EXD2: variants seen among roughly 807,000 people sequenced by gnomAD.
The protein encoded by EXD2 is exonuclease 3'-5' domain-containing protein 2.
EXD2 carries 40 observed loss-of-function variants against 62.5 expected under a neutral mutation model. The ratio of observed to expected loss-of-function variants is 0.64; its 90% CI spans 0.50 to 0.83. EXD2 has a LOEUF of 0.83. EXD2 is among the 40% of genes least tolerant of loss of function. The probability of loss-of-function intolerance (pLI) is 0.00; values close to 1 mark genes in which losing one functional copy is unlikely to be tolerated. For synonymous variants in EXD2, 239 were observed against 291.9 expected (o/e 0.82, Z 1.85); for missense variants, 671 against 761.8 (o/e 0.88, Z 1.40).
chr14:69,213,380 T>C (rs1340586280), intron 3 of EXD2, among the ~76,000 whole-genome samples: 8 of 122,330 alleles, frequency 6.5e-5, no homozygotes, highest in African/African-American at 3.1e-4. Context: ...GCCCTTTTTT[T>C]TTTTTTTTTT....
chr14:69,220,606 C>T (rs1263505038), intron 3 of EXD2, among the ~76,000 whole-genome samples: 1 of 146,708 alleles, frequency 6.8e-6, no homozygotes, highest in African/African-American at 2.5e-5. Flanking sequence ...TGCAGTGGCT[C>T]ACTCCGGTAA....
At chr14:69,230,235 T>C (rs2043521638) in intron 4 of EXD2, among the ~76,000 whole-genome samples, 1 of 152,198 alleles carries the variant, frequency 6.6e-6, no homozygotes, top group Admixed American at 6.5e-5. Flanking sequence ...TCCTCATCTG[T>C]AAAGTAGAGT....
chr14:69,231,016 C>T (rs1316676322), intron 5 of EXD2, among the ~76,000 whole-genome samples: 2 of 152,168 alleles, frequency 1.3e-5, no homozygotes, highest in African/African-American at 4.8e-5. Flanking sequence ...AACTTCTGAC[C>T]TCAAGTGATC....
intron 2 of EXD2, among the ~76,000 whole-genome samples, chr14:69,204,457 G>A (rs1396045729): frequency 6.6e-6 from 1 of 152,120 alleles, no homozygotes; most frequent in Admixed American, 6.5e-5. Context: ...TGTACCCCCA[G>A]CTACTCAGGA....
intron 2 of EXD2, 79 bp from the exon 3 acceptor site, chr14:69,209,345 G>A: frequency 1.4e-6 from 1 of 697,318 alleles, no homozygotes; most frequent in Non-Finnish European, 2.2e-6. Flanking sequence ...TTATAAATGG[G>A]GCATTTTTTA....
At chr14:69,193,750 GTGGC>G (rs1226372843) in intron 1 of EXD2, among the ~76,000 whole-genome samples, 1 of 151,964 alleles carries the variant, frequency 6.6e-6, no homozygotes, top group Non-Finnish European at 1.5e-5. Context: ...TTTGTATTTT[GTGGC>G]TATCATTCCC....
intron 1 of EXD2, among the ~76,000 whole-genome samples, chr14:69,198,532 T>A (rs2140189342): frequency 6.6e-6 from 1 of 152,316 alleles, no homozygotes; most frequent in Middle Eastern, 3.4e-3. Context: ...TGATGGCCCC[T>A]CATGACTTGT....
chr14:69,232,931 C>T (rs1398202763), intron 5 of EXD2, among the ~76,000 whole-genome samples: 1 of 152,134 alleles, frequency 6.6e-6, no homozygotes, highest in Non-Finnish European at 1.5e-5. Flanking sequence ...CTTTTGGTGT[C>T]ATAGTCAAGA....
At chr14:69,210,432 C>T (rs537812525) in intron 3 of EXD2, among the ~76,000 whole-genome samples, 9 of 152,188 alleles carry the variant, frequency 5.9e-5, no homozygotes, top group South Asian at 2.1e-4. Flanking sequence ...ATTGTAGGTT[C>T]GATGTTAGAC....
At chr14:69,234,122 CT>C (rs1449487741) in intron 5 of EXD2, among the ~76,000 whole-genome samples, 4 of 152,184 alleles carry the variant, frequency 2.6e-5, no homozygotes, top group Non-Finnish European at 5.9e-5. Flanking sequence ...AGGAGAATGA[CT>C]TACCACTATT....
intron 5 of EXD2, among the ~76,000 whole-genome samples, chr14:69,231,897 G>T (rs2043593879): frequency 7.1e-6 from 1 of 140,580 alleles, no homozygotes; most frequent in African/African-American, 2.7e-5. Flanking sequence ...TTGAGAAAGG[G>T]AGCATGAGCA....
Position 69,236,169 on chromosome 14 carries a change from T to C in EXD2, c.1156+17T>C, listed in dbSNP as rs779393065. ...GCATTGGTGGTATGAGATTCAGCTGTCCTTGTTTATCTCTAATTAGGTGCA... is the reference window on the plus strand; with the variant it reads ...GCATTGGTGGTATGAGATTCAGCTGCCCTTGTTTATCTCTAATTAGGTGCA... On this transcript the variant is annotated intron_variant, in intron 7 of 9. Transcript: ENST00000685843. 1 of 1,598,406 alleles carries C rather than the reference T, an allele frequency of 6.3e-7. No individual in the cohort carries two copies. The highest frequency in any genetic ancestry group is 2.2e-5 in the East Asian group (1 of 44,802).
intron 3 of EXD2, among the ~76,000 whole-genome samples, chr14:69,226,230 G>T (rs1004016220): frequency 6.6e-6 from 1 of 152,138 alleles, no homozygotes; most frequent in Non-Finnish European, 1.5e-5. Flanking sequence ...AAGTGATTTG[G>T]TCACATCCGG....
At position 69,213,537 on chromosome 14, in the gene EXD2, A is replaced by ATTTTTTTTTTT. The variant is rs746653694; in HGVS notation, c.333+3744_333+3754dup. Among the ~76,000 whole-genome samples, 58 of 76,492 alleles carry ATTTTTTTTTTT rather than the reference A, an allele frequency of 7.6e-4. 3 individuals carry two copies. Among genetic ancestry groups the ATTTTTTTTTTT allele is most frequent in the Non-Finnish European group, 1.0e-3 (46 of 44,258 alleles). 50.2% of individuals were successfully genotyped at this position (76,492 alleles called of 152,430 possible). A position where few individuals can be genotyped will look rare whatever the true frequency, so the allele number is the denominator to read the frequency against. On this transcript the variant is annotated intron_variant, in intron 3 of 9. Coordinates refer to ENST00000685843, the MANE Select transcript of EXD2 (RefSeq NM_001193360.2). ...AGGCATGTGCCACTGCACCTGGATAATTTTTTTTTTTTTTTTTTTTGTAGA... is the reference window on the plus strand; with the variant it reads ...AGGCATGTGCCACTGCACCTGGATAATTTTTTTTTTTTTTTTTTTTTTTTTTTTTTTGTAGA...
chr14:69,217,557 T>C (rs769179908), intron 3 of EXD2, among the ~76,000 whole-genome samples: 2 of 152,290 alleles, frequency 1.3e-5, no homozygotes, highest in African/African-American at 2.4e-5. Context: ...TTTTTTATTA[T>C]ACTTTAAGTT....
At chr14:69,201,690 T>G (rs2042409213) in intron 1 of EXD2, among the ~76,000 whole-genome samples, 1 of 140,096 alleles carries the variant, frequency 7.1e-6, no homozygotes. Flanking sequence ...TTTTTTTTTT[T>G]TTTTTTTTTT....
At chr14:69,227,842 A>C (rs950805665) in intron 3 of EXD2, 1 of 152,210 alleles carries the variant, frequency 6.6e-6, no homozygotes, top group Non-Finnish European at 1.5e-5. Flanking sequence ...TAAAAAAAAG[A>C]AAAAAGATTA....
chr14:69,234,717 G>T lies in EXD2; in HGVS notation c.735G>T (p.Arg245Ser). 3 of 1,612,362 alleles carry T rather than the reference G, an allele frequency of 1.9e-6. No individual in the cohort carries two copies. The highest frequency in any genetic ancestry group is 2.5e-6 in the Non-Finnish European group (3 of 1,179,110). ...CTCTTCAGGTAATTTATGCTGCCAG[G>T]GATGCCCAGATTTCAGTGGCTCTCT... Reference protein sequence around the residue: ...LTEDQVIYAARDAQISVALFL... With the variant: ...LTEDQVIYAASDAQISVALFL... The change falls in exon 6 of 10, where the codon AGG (arginine) becomes AGT (serine). Residue 245 changes from arginine to serine, a missense_variant. By Grantham distance (110) the Arg-to-Ser change is moderately radical. Coordinates refer to ENST00000685843, the MANE Select transcript of EXD2 (RefSeq NM_001193360.2).
At chr14:69,218,526 A>T (rs1374662524) in intron 3 of EXD2, among the ~76,000 whole-genome samples, 1 of 152,094 alleles carries the variant, frequency 6.6e-6, no homozygotes, top group Non-Finnish European at 1.5e-5. Flanking sequence ...GAAGCTCTTT[A>T]GTTTAATTAG....
Sources: allele counts gnomAD v4.1 joint callset (sites outside exome capture counted in the v4.1 genomes callset), GRCh38; gene constraint gnomAD v4.1.1; transcripts MANE v1.5; gene names NCBI Gene and HGNC (gene_info 2026-07-23, HGNC 2026-07-21).